The following DOCK1 variants were observed in gnomAD, a reference collection of about 807,000 sequenced individuals.
The protein encoded by DOCK1 is dedicator of cytokinesis 1.
In DOCK1, 138 loss-of-function variants were observed where a neutral mutation model predicts 262.7. That is an observed-to-expected ratio of 0.53 (90% CI 0.46 to 0.61). DOCK1 has a LOEUF of 0.61. Ranked by LOEUF, DOCK1 falls within the 20% of genes least tolerant of loss-of-function variation. The probability of loss-of-function intolerance (pLI) is 0.00; values close to 1 mark genes in which losing one functional copy is unlikely to be tolerated. For synonymous variants in DOCK1, 866 were observed against 867.4 expected, an observed-to-expected ratio of 1.00 and a Z score of 0.03; for missense variants, 1,908 against 2,370.7, an observed-to-expected ratio of 0.80 and a Z score of 4.05.
chr10:126,985,543 C>T (rs1269078122), intron 4 of DOCK1, among the ~76,000 whole-genome samples: 1 of 152,104 alleles, frequency 6.6e-6, no homozygotes, highest in Non-Finnish European at 1.5e-5. Flanking sequence ...GCACTGAGGC[C>T]CTATTCACAT....
intron 27 of DOCK1, among the ~76,000 whole-genome samples, chr10:127,189,887 T>G (rs1223821409): frequency 6.8e-6 from 1 of 147,246 alleles, no homozygotes; most frequent in Non-Finnish European, 1.5e-5. Context: ...AATTGGTGGG[T>G]CTGGCACAGA....
chr10:127,323,874 G>A (rs560781200), intron 29 of DOCK1, among the ~76,000 whole-genome samples: 1 of 152,334 alleles, frequency 6.6e-6, no homozygotes, highest in South Asian at 2.1e-4. Flanking sequence ...GCTGCATTTG[G>A]CATCTGAGCT....
At chr10:127,433,244 C>T in intron 47 of DOCK1, 39 bp from the exon 48 acceptor site, 1 of 1,607,232 alleles carries the variant, frequency 6.2e-7, no homozygotes, top group Non-Finnish European at 8.5e-7. Context: ...CAGGCACAGG[C>T]ATCAAACAAG....
At chr10:127,445,999 C>G (rs752280080) in intron 50 of DOCK1, among the ~76,000 whole-genome samples, 1 of 152,190 alleles carries the variant, frequency 6.6e-6, no homozygotes, top group Non-Finnish European at 1.5e-5. Context: ...GCCTGTCATC[C>G]CAGCACTTTG....
Position 127,035,337 on chromosome 10 carries a change from C to T in DOCK1, c.1913-2382C>T, listed in dbSNP as rs116404683. 7.2e-3 allele frequency among the ~76,000 whole-genome samples: 1,104 copies of T among 152,276 alleles called. 16 individuals are homozygous for T. Among genetic ancestry groups the T allele is most frequent in the African/African-American group, 0.025 (1,037 of 41,544 alleles). On this transcript the variant is annotated intron_variant, in intron 18 of 51. Transcript: ENST00000623213. ...TGCTGTGGGGGATATGAAAGAAGTACAAGATGTGATTCCTCTTCTCAATTA... is the reference window on the plus strand; with the variant it reads ...TGCTGTGGGGGATATGAAAGAAGTATAAGATGTGATTCCTCTTCTCAATTA...
chr10:127,449,610 A>T (rs2070823344), intron 51 of DOCK1, among the ~76,000 whole-genome samples: 1 of 152,172 alleles, frequency 6.6e-6, no homozygotes, highest in Admixed American at 6.5e-5. Context: ...TTGCAGCCTG[A>T]GTGCATGCTC....
chr10:127,283,985 A>G (rs1233493329), intron 29 of DOCK1, among the ~76,000 whole-genome samples: 3 of 152,204 alleles, frequency 2.0e-5, no homozygotes, highest in South Asian at 2.1e-4. Context: ...CCAGAATTCA[A>G]TATTGTCTTT....
intron 23 of DOCK1, among the ~76,000 whole-genome samples, chr10:127,077,677 T>G (rs1373635983): frequency 6.6e-6 from 1 of 152,142 alleles, no homozygotes; most frequent in Non-Finnish European, 1.5e-5. Context: ...GGATTCTGAC[T>G]GCAGGAGAGG....
intron 28 of DOCK1, among the ~76,000 whole-genome samples, chr10:127,251,957 C>G (rs2134858779): frequency 6.6e-6 from 1 of 152,232 alleles, no homozygotes; most frequent in Middle Eastern, 3.4e-3. Flanking sequence ...GATCTAGAAG[C>G]CACACTGACT....
intron 27 of DOCK1, among the ~76,000 whole-genome samples, chr10:127,205,743 C>G (rs1437128941): frequency 6.6e-6 from 1 of 152,180 alleles, no homozygotes; most frequent in East Asian, 1.9e-4. Context: ...AGTGTTGAAA[C>G]AGGGTGATGT....
chr10:127,351,478 T>A (rs2063877609), intron 31 of DOCK1, among the ~76,000 whole-genome samples: 1 of 152,146 alleles, frequency 6.6e-6, no homozygotes, highest in South Asian at 2.1e-4. Flanking sequence ...GCATGGAAAG[T>A]CCCTGTCCTG....
At chr10:127,299,409 G>T (rs1395583495) in intron 29 of DOCK1, among the ~76,000 whole-genome samples, 2 of 152,212 alleles carry the variant, frequency 1.3e-5, no homozygotes, top group African/African-American at 4.8e-5. Flanking sequence ...CGGCCAAGAA[G>T]GGTGGGCTCT....
intron 21 of DOCK1, among the ~76,000 whole-genome samples, chr10:127,045,733 G>A (rs987337595): frequency 6.6e-6 from 1 of 152,154 alleles, no homozygotes; most frequent in East Asian, 1.9e-4. Flanking sequence ...ACCAGCACTG[G>A]TACAAGTGAG....
At chr10:127,258,423 C>T (rs2059902412) in intron 29 of DOCK1, among the ~76,000 whole-genome samples, 1 of 152,240 alleles carries the variant, frequency 6.6e-6, no homozygotes, top group African/African-American at 2.4e-5. Context: ...TGGCTGTTTT[C>T]ACTTTGCTTA....
chr10:127,010,927 A>C (rs2041383648), intron 11 of DOCK1, among the ~76,000 whole-genome samples: 1 of 151,744 alleles, frequency 6.6e-6, no homozygotes, highest in Non-Finnish European at 1.5e-5. Flanking sequence ...CCTCTGTGAA[A>C]AGTCAAAAAC....
chr10:127,333,901 C>T (rs1441430020), intron 29 of DOCK1, among the ~76,000 whole-genome samples: 1 of 152,102 alleles, frequency 6.6e-6, no homozygotes, highest in Non-Finnish European at 1.5e-5. Flanking sequence ...TACCTTTAAT[C>T]TCAAAAATAA....
chr10:127,362,931 ACATCCCCCCACACACATACACATGTG>A (rs2064624917), intron 33 of DOCK1, among the ~76,000 whole-genome samples: 2 of 67,656 alleles, frequency 3.0e-5, no homozygotes, highest in Non-Finnish European at 6.1e-5. Flanking sequence ...ATACACATGC[ACATCCCCCCACACACATACACATGTG>A]CATCCCCACA....
intron 40 of DOCK1, among the ~76,000 whole-genome samples, chr10:127,406,503 T>G (rs527412416): frequency 6.6e-6 from 1 of 152,194 alleles, no homozygotes; most frequent in Non-Finnish European, 1.5e-5. Context: ...ACTTCACAGA[T>G]GAGCTGGCAG....
intron 1 of DOCK1, among the ~76,000 whole-genome samples, chr10:126,953,325 G>A (rs1668592199): frequency 1.3e-5 from 2 of 151,422 alleles, no homozygotes; most frequent in African/African-American, 4.9e-5. Context: ...GGTGGTAGTG[G>A]TGGTAGTATT....
Sources: gnomAD v4.1 joint callset for allele counts (sites outside exome capture counted in the v4.1 genomes callset) on GRCh38, gnomAD v4.1.1 for gene constraint, MANE v1.5 for transcripts, NCBI Gene and HGNC (gene_info 2026-07-23, HGNC 2026-07-21) for gene names.